The following STYK1 variants were observed in gnomAD, a reference collection of about 807,000 sequenced individuals.
STYK1 encodes the protein STY kinase 1, also known as tyrosine-protein kinase STYK1.
A neutral mutation model predicts 48.1 loss-of-function variants in STYK1; 46 were observed. The observed-to-expected ratio is 0.96, with a 90% CI of 0.75 to 1.22. The LOEUF (loss-of-function observed/expected upper bound fraction) is 1.22, where lower values mean the gene tolerates loss of function less well. STYK1 is among the 50% of genes most tolerant of loss of function. The pLI is 0.00. For missense variants in STYK1, 527 were observed against 521.1 expected (o/e 1.01, Z -0.11); for synonymous variants, 188 against 189.0 (o/e 0.99, Z 0.04).
intron 4 of STYK1, 141 bp downstream of exon 4, chr12:10,633,849 A>T: frequency 2.0e-6 from 2 of 995,336 alleles, no homozygotes; most frequent in South Asian, 3.7e-5. Context: ...TCCCCCTCTC[A>T]ACTCCATGGG....
intron 1 of STYK1, among the ~76,000 whole-genome samples, chr12:10,660,955 C>T (rs1042213625): frequency 3.9e-5 from 6 of 152,194 alleles, no homozygotes; most frequent in African/African-American, 4.8e-5. Context: ...TAACCCACAC[C>T]GCTGCTCTGC....
rs192985729 is a variant in STYK1 at position 10,639,489 on chromosome 12, A to G, written c.-194-2293T>C. Among the ~76,000 whole-genome samples the G allele has an allele frequency of 2.1e-3, 316 of 151,548 alleles. 1 individual carries two copies. The highest frequency in any genetic ancestry group is 3.1e-3 in the Non-Finnish European group (212 of 67,906). On this transcript the variant is annotated intron_variant, in intron 1 of 10. Transcript: ENST00000075503. ...GAGTGCAATGGCGTGATCTCAGCTC[A>G]CTGCAACCTCCGTCTCCCAGGTTCC...
At chr12:10,627,535 T>C (rs1947371897) in intron 7 of STYK1, 106 bp downstream of exon 7, 1 of 1,053,346 alleles carries the variant, frequency 9.5e-7, no homozygotes, top group East Asian at 2.6e-5. Context: ...TAATTTTCTT[T>C]AAAACATACA....
Position 10,626,782 on chromosome 12 carries a change from G to A in STYK1, c.717+859C>T, listed in dbSNP as rs533376435. On this transcript the variant is annotated intron_variant, in intron 7 of 10. Coordinates refer to ENST00000075503, the MANE Select transcript of STYK1 (RefSeq NM_018423.3). ...AGCACTTTGGGAGGCCGAGGCGCGC[G>A]GATCACGAGGTCGGGAGATCGAGAC... is the stretch of plus-strand genomic sequence containing the variant. 4.8e-3 allele frequency among the ~76,000 whole-genome samples: 731 copies of A among 152,136 alleles called. 1 individual carries two copies. The highest frequency in any genetic ancestry group is 7.7e-3 in the Non-Finnish European group (521 of 67,990).
chr12:10,643,549 T>A (rs1947567666), intron 1 of STYK1, among the ~76,000 whole-genome samples: 1 of 152,236 alleles, frequency 6.6e-6, no homozygotes, highest in South Asian at 2.1e-4. Flanking sequence ...ACCAAGTCAT[T>A]CACTCAGATG....
intron 1 of STYK1, among the ~76,000 whole-genome samples, chr12:10,658,181 C>G (rs1194247093): frequency 6.6e-6 from 1 of 152,168 alleles, no homozygotes; most frequent in South Asian, 2.1e-4. Context: ...CAGTGATCTG[C>G]TCCTTAACAA....
chr12:10,670,138 G>A (rs1487137645), intron 1 of STYK1, among the ~76,000 whole-genome samples: 1 of 152,126 alleles, frequency 6.6e-6, no homozygotes, highest in African/African-American at 2.4e-5. Flanking sequence ...ACATCCAATA[G>A]TGATCTGACT....
chr12:10,631,324 G>T lies in STYK1; in HGVS notation c.188-16C>A. The T allele has an allele frequency of 6.2e-7, 1 of 1,605,420 alleles. No homozygotes were observed. The highest frequency in any genetic ancestry group is 8.5e-7 in the Non-Finnish European group (1 of 1,172,786). ...GGGGCAATGCCTAGAACAGAGAGAT[G>T]ATGTCAACCAGTTTTTCCCCGCCCT... On this transcript the variant is annotated splice_polypyrimidine_tract_variant and intron_variant, in intron 4 of 10. Transcript: ENST00000075503.
intron 1 of STYK1, among the ~76,000 whole-genome samples, chr12:10,668,041 T>C (rs753866007): frequency 2.0e-5 from 3 of 152,160 alleles, no homozygotes; most frequent in Non-Finnish European, 4.4e-5. Context: ...GAGGTGACTG[T>C]CTCTTCTAAA....
chr12:10,634,759 A>C lies in STYK1; in HGVS notation c.-68-73T>G, dbSNP rs183333061. 64 of 898,236 alleles carry C rather than the reference A, an allele frequency of 7.1e-5. 1 individual carries two copies. The African/African-American group carries it at 9.7e-4, about 14-fold the overall frequency. 55.6% of individuals were successfully genotyped at this position (898,236 alleles called of 1,614,324 possible). A position where few individuals can be genotyped will look rare whatever the true frequency, so the allele number is the denominator to read the frequency against. On this transcript the variant is annotated intron_variant, in intron 2 of 10. Coordinates refer to ENST00000075503, the MANE Select transcript of STYK1 (RefSeq NM_018423.3). ...TAAATGAAGTACACACAGAATTTTA[A>C]ACCGCCTCTACAGATCACTAGTTAA... is the stretch of plus-strand genomic sequence containing the variant.
At chr12:10,658,091 C>T (rs1034225395) in intron 1 of STYK1, among the ~76,000 whole-genome samples, 2 of 152,128 alleles carry the variant, frequency 1.3e-5, no homozygotes, top group Admixed American at 1.3e-4. Flanking sequence ...GTGAACATAT[C>T]GGCTAAAGTT....
rs773908327 is a variant in STYK1, at chr12:10,631,186, C to A, written c.310G>T (p.Ala104Ser). ...TGCTCCCGCGGCACCTGCAGCTTAG[C>A]CAGGGCAGGTGTGGTAGCTCCCAGA... The part of the protein sequence containing the change: ...NFLGATTPAL[A>S]KLQVPREQLS... Residue 104 changes from alanine to serine, a missense_variant, in exon 5 of 11, where the codon GCT becomes TCT. Ala to Ser is a moderately conservative substitution (Grantham distance 99). Coordinates refer to ENST00000075503, the MANE Select transcript of STYK1 (RefSeq NM_018423.3). 6.2e-7 allele frequency: 1 copy of A among 1,614,170 alleles called. No individual in the cohort carries two copies. The highest frequency in any genetic ancestry group is 1.1e-5 in the South Asian group (1 of 91,084).
intron 1 of STYK1, among the ~76,000 whole-genome samples, chr12:10,666,736 C>T (rs752863992): frequency 2.0e-5 from 3 of 152,194 alleles, no homozygotes; most frequent in East Asian, 1.9e-4. Context: ...ATAAGGGGCT[C>T]TTCCCCCTTT....
intron 1 of STYK1, among the ~76,000 whole-genome samples, chr12:10,664,129 A>C (rs941736795): frequency 6.6e-6 from 1 of 152,128 alleles, no homozygotes; most frequent in Non-Finnish European, 1.5e-5. Context: ...ATATAAGGCC[A>C]CTGTTGATCC....
intron 4 of STYK1, among the ~76,000 whole-genome samples, chr12:10,632,090 G>A (rs572220338): frequency 1.3e-5 from 2 of 152,102 alleles, no homozygotes; most frequent in African/African-American, 4.8e-5. Flanking sequence ...GATGCCATGA[G>A]CCTATAATCC....
intron 1 of STYK1, among the ~76,000 whole-genome samples, chr12:10,651,813 C>T (rs1947665566): frequency 1.3e-5 from 2 of 152,194 alleles, no homozygotes; most frequent in Admixed American, 6.5e-5. Flanking sequence ...AGTTTTCTTA[C>T]CATCCTTCTG....
At chr12:10,648,338 T>A (rs7971142) in intron 1 of STYK1, among the ~76,000 whole-genome samples, 83,370 of 151,704 alleles carry the variant, frequency 0.55, 23,625 homozygotes, top group East Asian at 0.79. Context: ...AAAACTTTCT[T>A]CCAACAGAAA....
chr12:10,637,661 A>G (rs1405577495), intron 1 of STYK1, among the ~76,000 whole-genome samples: 1 of 152,160 alleles, frequency 6.6e-6, no homozygotes, highest in African/African-American at 2.4e-5. Context: ...TTTTTAAGGC[A>G]TACACACTGG....
chr12:10,624,528 GTA>G, intron 8 of STYK1, 121 bp downstream of exon 8: 1 of 832,838 alleles, frequency 1.2e-6, no homozygotes, highest in Non-Finnish European at 2.0e-6. Context: ...CTGCTTGAGA[GTA>G]TGTCTGATTT....
Sources: allele counts gnomAD v4.1 joint callset (sites outside exome capture counted in the v4.1 genomes callset), GRCh38; gene constraint gnomAD v4.1.1; transcripts MANE v1.5; gene names NCBI Gene and HGNC (gene_info 2026-07-23, HGNC 2026-07-21).